SYT1: variants seen among roughly 807,000 people sequenced by gnomAD.
SYT1 encodes the protein synaptotagmin 1, also known as synaptotagmin-1.
A neutral mutation model predicts 44.8 loss-of-function variants in SYT1; 8 were observed. The ratio of observed to expected loss-of-function variants is 0.18; its 90% confidence interval spans 0.10 to 0.32. The LOEUF (loss-of-function observed/expected upper bound fraction) is 0.32, where lower values mean the gene tolerates loss of function less well. SYT1 is among the 10% of genes least tolerant of loss of function. The pLI, the probability that SYT1 is intolerant of heterozygous loss-of-function variation, is 1.00. For synonymous variants in SYT1, 154 were observed against 188.8 expected (o/e 0.82, Z 1.51); for missense variants, 286 against 509.3 (o/e 0.56, Z 4.22).
chr12:79,321,496 TAC>T (rs1254623357), intron 8 of SYT1, among the ~76,000 whole-genome samples: 1 of 152,192 alleles, frequency 6.6e-6, no homozygotes, highest in Non-Finnish European at 1.5e-5. Context: ...TAAATTAGCA[TAC>T]AGGCAGTTTG....
intron 8 of SYT1, among the ~76,000 whole-genome samples, chr12:79,340,212 C>A (rs1882299407): frequency 6.6e-6 from 1 of 152,156 alleles, no homozygotes; most frequent in South Asian, 2.1e-4. Context: ...TGAAGAAAGT[C>A]ATTGGTAGCT....
At chr12:79,394,596 A>T (rs1884797985) in intron 9 of SYT1, among the ~76,000 whole-genome samples, 1 of 152,202 alleles carries the variant, frequency 6.6e-6, no homozygotes, top group African/African-American at 2.4e-5. Context: ...TTAAAGGTTA[A>T]CACATTTCAA....
intron 4 of SYT1, among the ~76,000 whole-genome samples, 158 bp downstream of exon 4, chr12:79,217,843 G>T: frequency 6.6e-6 from 1 of 151,608 alleles, no homozygotes; most frequent in Admixed American, 6.6e-5. Flanking sequence ...AATATTCTTG[G>T]AAATGGAATA....
intron 4 of SYT1, among the ~76,000 whole-genome samples, chr12:79,235,260 A>G (rs1403640226): frequency 6.6e-6 from 1 of 152,180 alleles, no homozygotes; most frequent in Non-Finnish European, 1.5e-5. Context: ...CCTTGCTAAC[A>G]CTTGGAATTG....
intron 9 of SYT1, among the ~76,000 whole-genome samples, chr12:79,380,345 A>G (rs2136070591): frequency 6.6e-6 from 1 of 152,340 alleles, no homozygotes; most frequent in East Asian, 1.9e-4. Flanking sequence ...TGCCATTTAT[A>G]CCTTATTCAC....
intron 9 of SYT1, among the ~76,000 whole-genome samples, chr12:79,385,924 A>G (rs947787320): frequency 3.3e-5 from 5 of 152,218 alleles, no homozygotes; most frequent in Non-Finnish European, 7.3e-5. Flanking sequence ...TTAAAAAGCT[A>G]GAAAAATCTT....
chr12:78,983,544 AT>A (rs1394552997), intron 2 of SYT1, among the ~76,000 whole-genome samples: 3 of 152,040 alleles, frequency 2.0e-5, no homozygotes, highest in Non-Finnish European at 4.4e-5. Context: ...ACCATTCTAC[AT>A]TTACTATATG....
chr12:79,108,746 CT>C (rs1469211509), intron 3 of SYT1, among the ~76,000 whole-genome samples: 2 of 152,058 alleles, frequency 1.3e-5, no homozygotes, highest in African/African-American at 4.8e-5. Context: ...CAAGCTAGAA[CT>C]TTTAAATATA....
intron 9 of SYT1, among the ~76,000 whole-genome samples, chr12:79,426,861 A>G (rs1356073540): frequency 6.6e-6 from 1 of 152,194 alleles, no homozygotes; most frequent in African/African-American, 2.4e-5. Context: ...GGTGAAGGTA[A>G]TTGAATCATT....
chr12:78,922,935 A>AGT (rs1565719027), intron 1 of SYT1, among the ~76,000 whole-genome samples: 1 of 150,292 alleles, frequency 6.7e-6, no homozygotes, highest in Non-Finnish European at 1.5e-5. Context: ...TAAGTTGTAT[A>AGT]GTCAGGACGA....
intron 3 of SYT1, among the ~76,000 whole-genome samples, chr12:79,113,830 A>C (rs1045719731): frequency 2.6e-5 from 4 of 152,126 alleles, no homozygotes; most frequent in African/African-American, 7.2e-5. Context: ...TCAACCCAAT[A>C]GGTGTTCAAA....
intron 9 of SYT1, among the ~76,000 whole-genome samples, chr12:79,385,658 A>C (rs904608059): frequency 3.9e-5 from 6 of 152,198 alleles, no homozygotes; most frequent in African/African-American, 1.4e-4. Context: ...ATTTAGAACA[A>C]ATCAGTGTAT....
intron 9 of SYT1, among the ~76,000 whole-genome samples, chr12:79,373,832 TGAA>T (rs1296127464): frequency 6.6e-6 from 1 of 152,194 alleles, no homozygotes; most frequent in African/African-American, 2.4e-5. Context: ...AGAGCACAGC[TGAA>T]GAAGAGGTAC....
Position 78,916,715 on chromosome 12 carries a change from G to A in SYT1, c.-217+51606G>A, listed in dbSNP as rs866859891. On this transcript the variant is annotated intron_variant, in intron 1 of 10. Transcript: ENST00000261205. ...AACTCTATTCTCTGTTCAAGTCTCC[G>A]TGTTTAATATTTAATATTGAAACCA... 2.7e-4 allele frequency among the ~76,000 whole-genome samples: 41 copies of A among 151,696 alleles called. No individual in the cohort carries two copies. In the Middle Eastern group the frequency reaches 0.01, roughly 38 times the overall value.
intron 1 of SYT1, among the ~76,000 whole-genome samples, chr12:78,922,344 T>C (rs954996487): frequency 2.0e-5 from 3 of 151,896 alleles, no homozygotes; most frequent in Non-Finnish European, 4.4e-5. Flanking sequence ...TTGCAAGACC[T>C]CGCTTCAACC....
intron 2 of SYT1, among the ~76,000 whole-genome samples, chr12:78,987,140 A>G (rs1869697176): frequency 6.6e-6 from 1 of 152,082 alleles, no homozygotes; most frequent in Non-Finnish European, 1.5e-5. Context: ...TTTATGCACC[A>G]GGAAGCAGTC....
At chr12:78,973,664 T>G (rs1868538011) in intron 1 of SYT1, among the ~76,000 whole-genome samples, 1 of 151,908 alleles carries the variant, frequency 6.6e-6, no homozygotes, top group Non-Finnish European at 1.5e-5. Flanking sequence ...TGCTCCAACT[T>G]ACTACACAGG....
intron 1 of SYT1, among the ~76,000 whole-genome samples, chr12:78,903,584 T>C (rs116099478): frequency 0.08 from 12,209 of 152,160 alleles, 574 homozygotes; most frequent in African/African-American, 0.13. Flanking sequence ...CGCACCTGGA[T>C]AAAATATTTG....
intron 8 of SYT1, among the ~76,000 whole-genome samples, chr12:79,346,100 C>G (rs1474719366): frequency 6.6e-6 from 1 of 152,202 alleles, no homozygotes; most frequent in Admixed American, 6.5e-5. Context: ...TGAACTTAGC[C>G]CCATTTGCAA....
Sources: gnomAD v4.1 joint callset for allele counts (sites outside exome capture counted in the v4.1 genomes callset) on GRCh38, gnomAD v4.1.1 for gene constraint, MANE v1.5 for transcripts, NCBI Gene and HGNC (gene_info 2026-07-23, HGNC 2026-07-21) for gene names.